The following AKAP19 variants were observed in gnomAD, a reference collection of about 807,000 sequenced individuals.
AKAP19 encodes small A-kinase anchoring protein.
chr2:190,117,023 A>G, the AKAP19 span, among the ~76,000 whole-genome samples: 1 of 152,228 alleles, frequency 6.6e-6, no homozygotes, highest in Non-Finnish European at 1.5e-5. Flanking sequence ...CACTAATGGT[A>G]TGACTTTGAA....
the AKAP19 span, among the ~76,000 whole-genome samples, chr2:189,933,283 G>C: frequency 7.4e-4 from 112 of 152,302 alleles, no homozygotes; most frequent in African/African-American, 2.4e-3. Context: ...GGAGATGTGA[G>C]AGTGGGGGCA....
chr2:190,189,212 G>T, the AKAP19 span, among the ~76,000 whole-genome samples: 1 of 152,164 alleles, frequency 6.6e-6, no homozygotes, highest in Non-Finnish European at 1.5e-5. Flanking sequence ...GGTCTTTACC[G>T]GCAAGAATTA....
At chr2:190,150,411 T>G in the AKAP19 span, 1 of 152,234 alleles carries the variant, frequency 6.6e-6, no homozygotes, top group African/African-American at 2.4e-5. Context: ...CCTCTACCAC[T>G]GTTTTTCACT....
chr2:190,117,267 C>A, the AKAP19 span, among the ~76,000 whole-genome samples: 1 of 152,164 alleles, frequency 6.6e-6, no homozygotes, highest in Non-Finnish European at 1.5e-5. Context: ...ACCCCTGAGA[C>A]TGAAATCTTC....
chr2:190,146,450 C>T, the AKAP19 span, among the ~76,000 whole-genome samples: 3 of 152,178 alleles, frequency 2.0e-5, no homozygotes, highest in South Asian at 2.1e-4. Context: ...TGAATTGTGC[C>T]GCTATAAACA....
the AKAP19 span, among the ~76,000 whole-genome samples, chr2:189,953,375 C>A: frequency 2.0e-5 from 3 of 152,016 alleles, no homozygotes; most frequent in African/African-American, 4.8e-5. Context: ...GTGGCTCACA[C>A]CTGTAATCCC....
chr2:190,098,689 C>G, the AKAP19 span, among the ~76,000 whole-genome samples: 1 of 152,280 alleles, frequency 6.6e-6, no homozygotes, highest in African/African-American at 2.4e-5. Context: ...AGCCAGGCAT[C>G]GACTTCTCCT....
the AKAP19 span, among the ~76,000 whole-genome samples, chr2:189,932,085 T>G: frequency 6.6e-6 from 1 of 152,218 alleles, no homozygotes; most frequent in African/African-American, 2.4e-5. Flanking sequence ...CTTTCTTATG[T>G]GATGAGCAGA....
the AKAP19 span, among the ~76,000 whole-genome samples, chr2:190,019,892 T>G: frequency 6.6e-6 from 1 of 152,256 alleles, no homozygotes; most frequent in South Asian, 2.1e-4. Context: ...GTGTCTCAGG[T>G]TTATTCCCAA....
the AKAP19 span, among the ~76,000 whole-genome samples, chr2:190,195,369 G>GAATC: frequency 7.5e-3 from 1,135 of 152,320 alleles, 5 homozygotes; most frequent in Middle Eastern, 0.014. Context: ...CATACAGTAA[G>GAATC]AATGTTTCAC....
At chr2:190,111,072 G>T in the AKAP19 span, among the ~76,000 whole-genome samples, 1 of 152,102 alleles carries the variant, frequency 6.6e-6, no homozygotes, top group Admixed American at 6.5e-5. Context: ...TGTGCCAAGG[G>T]CAGGTGATTT....
the AKAP19 span, among the ~76,000 whole-genome samples, chr2:189,927,697 C>A: frequency 6.6e-6 from 1 of 152,080 alleles, no homozygotes; most frequent in African/African-American, 2.4e-5. Flanking sequence ...GATATTCTCT[C>A]GTGTAATCTT....
chr2:190,009,813 A>C, the AKAP19 span, among the ~76,000 whole-genome samples: 1 of 152,172 alleles, frequency 6.6e-6, no homozygotes, highest in South Asian at 2.1e-4. Context: ...AGGATACACC[A>C]ACATTAAGAG....
the AKAP19 span, among the ~76,000 whole-genome samples, chr2:190,174,701 A>G: frequency 6.6e-6 from 1 of 152,242 alleles, no homozygotes; most frequent in East Asian, 1.9e-4. Context: ...AATTTGAAAT[A>G]GCAAATTTTG....
At chr2:190,023,817 A>ATATATATATATG in the AKAP19 span, among the ~76,000 whole-genome samples, 1 of 147,672 alleles carries the variant, frequency 6.8e-6, no homozygotes, top group African/African-American at 2.5e-5. Context: ...ATATATATAT[A>ATATATATATATG]TACATATATA....
the AKAP19 span, among the ~76,000 whole-genome samples, chr2:190,108,157 T>A: frequency 6.9e-6 from 1 of 144,848 alleles, no homozygotes; most frequent in Non-Finnish European, 1.5e-5. Context: ...AAATTCTGGT[T>A]TGTTGTTGTT....
chr2:189,890,420 A>G, the AKAP19 span, among the ~76,000 whole-genome samples: 3 of 152,202 alleles, frequency 2.0e-5, no homozygotes, highest in Admixed American at 2.0e-4. Flanking sequence ...AGAGTTCTGT[A>G]GATGTCTATT....
At chr2:189,956,239 G>T in the AKAP19 span, among the ~76,000 whole-genome samples, 1 of 141,558 alleles carries the variant, frequency 7.1e-6, no homozygotes, top group Non-Finnish European at 1.5e-5. Context: ...GCGGGATCTC[G>T]GCTCACTGCA....
chr2:189,890,199 G>A, the AKAP19 span, among the ~76,000 whole-genome samples: 696 of 152,296 alleles, frequency 4.6e-3, 8 homozygotes, highest in African/African-American at 0.016. Flanking sequence ...TCATTCAGGA[G>A]CAGGTTGTTC....
Sources: gnomAD v4.1 joint callset for allele counts (sites outside exome capture counted in the v4.1 genomes callset) on GRCh38, gnomAD v4.1.1 for gene constraint, MANE v1.5 for transcripts, NCBI Gene and HGNC (gene_info 2026-07-23, HGNC 2026-07-21) for gene names.